POLD3: variants seen among roughly 807,000 people sequenced by gnomAD.
POLD3 encodes DNA polymerase delta 3, accessory subunit, also known as DNA polymerase delta subunit 3.
In POLD3, 19 loss-of-function variants were observed where a neutral mutation model predicts 58.2. The observed-to-expected ratio is 0.33, with a 90% CI of 0.23 to 0.48. The LOEUF (loss-of-function observed/expected upper bound fraction) is 0.48. POLD3 is among the 20% of genes least tolerant of loss of function. The probability of loss-of-function intolerance (pLI) is 0.99; values close to 1 mark genes in which losing one functional copy is unlikely to be tolerated. For missense variants in POLD3, 504 were observed against 545.5 expected, an observed-to-expected ratio of 0.92 and a Z score of 0.76; for synonymous variants, 172 against 193.5, an observed-to-expected ratio of 0.89 and a Z score of 0.92.
chr11:74,635,673 C>T (rs1403131106), intron 10 of POLD3, among the ~76,000 whole-genome samples: 1 of 152,172 alleles, frequency 6.6e-6, no homozygotes, highest in African/African-American at 2.4e-5. Flanking sequence ...AGAGCCAGAA[C>T]TTGTCTCTAA....
chr11:74,641,750 G>A lies in POLD3; in HGVS notation c.*984G>A, dbSNP rs2032920001. ...AGCACTTTTCCAGGAAGTTAGTGAG[G>A]AAGATAAGGCACACATTTATTTATA... On this transcript the variant is annotated 3_prime_UTR_variant, in exon 12 of 12. Coordinates refer to ENST00000263681, the MANE Select transcript of POLD3 (RefSeq NM_006591.3). 3 of 985,202 alleles carry A rather than the reference G, an allele frequency of 3.0e-6. No homozygotes were observed. The highest frequency in any genetic ancestry group is 3.6e-6 in the Non-Finnish European group (3 of 829,866). The allele number at this position is 985,202 out of a possible 1,614,324, so 61.0% of individuals were successfully genotyped here. A position where few individuals can be genotyped will look rare whatever the true frequency, so the allele number is the denominator to read the frequency against.
downstream of POLD3, among the ~76,000 whole-genome samples, chr11:74,647,119 G>A (rs539828434): frequency 6.6e-6 from 1 of 152,318 alleles, no homozygotes; most frequent in East Asian, 1.9e-4. Context: ...TGATCTGACA[G>A]GAGGCGGAGC....
intron 2 of POLD3, chr11:74,595,588 G>C (rs886942562): frequency 6.6e-6 from 1 of 152,158 alleles, no homozygotes; most frequent in Non-Finnish European, 1.5e-5. Context: ...GTACTTTCTT[G>C]ATGGTGTGCT....
chr11:74,621,465 C>G (rs1308260465), intron 7 of POLD3, among the ~76,000 whole-genome samples: 1 of 151,528 alleles, frequency 6.6e-6, no homozygotes, highest in Non-Finnish European at 1.5e-5. Flanking sequence ...GAAACTGGTC[C>G]CTGGTGCCAA....
At chr11:74,634,025 T>C (rs1354148421) in intron 9 of POLD3, among the ~76,000 whole-genome samples, 3 of 152,204 alleles carry the variant, frequency 2.0e-5, no homozygotes, top group Non-Finnish European at 4.4e-5. Flanking sequence ...CATGGAACAT[T>C]TGTTATAACC....
chr11:74,594,206 A>C (rs1353707467), intron 2 of POLD3, 90 bp downstream of exon 2: 1 of 770,606 alleles, frequency 1.3e-6, no homozygotes, highest in African/African-American at 1.7e-5. Flanking sequence ...TAGCCTACAT[A>C]GATTAGAGCT....
downstream of POLD3, among the ~76,000 whole-genome samples, chr11:74,645,667 C>T (rs1282396313): frequency 6.6e-6 from 1 of 152,186 alleles, no homozygotes; most frequent in Non-Finnish European, 1.5e-5. Flanking sequence ...TGGGCAGTCC[C>T]CAGTATTTTG....
chr11:74,632,443 A>C (rs558849391), intron 9 of POLD3, among the ~76,000 whole-genome samples: 1 of 152,292 alleles, frequency 6.6e-6, no homozygotes, highest in East Asian at 1.9e-4. Context: ...AAATGTATTG[A>C]GTGGGGATGT....
chr11:74,594,086 C>T lies in POLD3; in HGVS notation c.86C>T (p.Thr29Ile), dbSNP rs779177328. The T allele has an allele frequency of 1.2e-6, 2 of 1,605,652 alleles. No homozygotes were observed. The highest frequency in any genetic ancestry group is 1.7e-5 in the Admixed American group (1 of 59,948). The change falls in exon 2 of 12, where the codon ACA becomes ATA. Residue 29 changes from threonine (T) to isoleucine (I), a missense_variant. Thr to Ile is a moderately conservative substitution (Grantham distance 89). This residue lies in a region of POLD3 where 119 missense variants were observed against 175.0 expected (regional missense o/e 0.68). Coordinates refer to ENST00000263681, the MANE Select transcript of POLD3 (RefSeq NM_006591.3). ...GTGACATACAAATGGCTGAGCTATA[C>T]ACTAGGGGTTCATGTTAACCAGGCC... The part of the protein sequence containing the change: ...KIVTYKWLSY[T>I]LGVHVNQAKQ...
At chr11:74,647,567 C>T (rs1220111758), downstream of POLD3, among the ~76,000 whole-genome samples, 1 of 152,024 alleles carries the variant, frequency 6.6e-6, no homozygotes, top group Non-Finnish European at 1.5e-5. Context: ...TATAGCAACC[C>T]CTAAGAAGAA....
At chr11:74,630,509 A>G (rs2032560224) in intron 9 of POLD3, among the ~76,000 whole-genome samples, 1 of 152,226 alleles carries the variant, frequency 6.6e-6, no homozygotes, top group Non-Finnish European at 1.5e-5. Flanking sequence ...TGTGAGAGGT[A>G]CAATGTCCTT....
At chr11:74,647,540 A>T (rs1297910812), downstream of POLD3, among the ~76,000 whole-genome samples, 1 of 152,168 alleles carries the variant, frequency 6.6e-6, no homozygotes, top group Non-Finnish European at 1.5e-5. Context: ...ATGCTGCATC[A>T]TGTGACTTTC....
chr11:74,609,372 A>ATATTTT (rs2031821525), intron 3 of POLD3, among the ~76,000 whole-genome samples: 2 of 27,196 alleles, frequency 7.4e-5, no homozygotes, highest in African/African-American at 1.9e-4. Flanking sequence ...ATATATATAT[A>ATATTTT]TTTTTTTTTT....
At chr11:74,599,566 C>T (rs188920449) in intron 2 of POLD3, among the ~76,000 whole-genome samples, 51 of 151,198 alleles carry the variant, frequency 3.4e-4, no homozygotes, top group Non-Finnish European at 5.0e-4. Flanking sequence ...GTTTCACGAT[C>T]TTGGCCAGGC....
At chr11:74,607,896 C>A (rs1263435027) in intron 3 of POLD3, among the ~76,000 whole-genome samples, 1 of 151,982 alleles carries the variant, frequency 6.6e-6, no homozygotes, top group African/African-American at 2.4e-5. Context: ...CTGTGCCTGG[C>A]CTGGATTTTT....
At chr11:74,665,414 T>TTTTTTA (rs2033256351) in intron 4 of POLD3, among the ~76,000 whole-genome samples, 1 of 123,026 alleles carries the variant, frequency 8.1e-6, no homozygotes, top group African/African-American at 3.6e-5. Flanking sequence ...TTTTTTTTTT[T>TTTTTTA]GAGACAGAGT....
chr11:74,641,956 T>A lies in POLD3; in HGVS notation c.*1190T>A. On this transcript the variant is annotated 3_prime_UTR_variant, in exon 12 of 12. Transcript: ENST00000263681. ...ATGATAACCTTCAAGTGACTTCCAT[T>A]ATGGCTGGACAGGCGGTGAGCTCAG... 1.0e-6 allele frequency: 1 copy of A among 985,414 alleles called. No homozygotes were observed. The highest frequency in any genetic ancestry group is 4.7e-5 in the South Asian group (1 of 21,280). 61.0% of individuals were successfully genotyped at this position (985,414 alleles called of 1,614,324 possible). A position where few individuals can be genotyped will look rare whatever the true frequency, so the allele number is the denominator to read the frequency against.
At chr11:74,628,088 T>C (rs1023958686) in intron 8 of POLD3, among the ~76,000 whole-genome samples, 1 of 152,160 alleles carries the variant, frequency 6.6e-6, no homozygotes, top group Non-Finnish European at 1.5e-5. Context: ...TTGACTGAGT[T>C]GTGTTTTTAA....
intron 4 of POLD3, among the ~76,000 whole-genome samples, chr11:74,654,215 CAT>C (rs1268922419): frequency 6.6e-6 from 1 of 152,104 alleles, no homozygotes; most frequent in Non-Finnish European, 1.5e-5. Context: ...GCATGTTAAA[CAT>C]AAAGATGCAG....
Sources: allele counts gnomAD v4.1 joint callset (sites outside exome capture counted in the v4.1 genomes callset), GRCh38; gene constraint gnomAD v4.1.1; regional missense constraint gnomAD v4.1.1; transcripts MANE v1.5; gene names NCBI Gene and HGNC (gene_info 2026-07-23, HGNC 2026-07-21).